The following PRPSAP2 variants were observed in gnomAD, a reference collection of about 807,000 sequenced individuals.
PRPSAP2 encodes phosphoribosyl pyrophosphate synthase-associated protein 2.
Under a neutral mutation model 40.6 loss-of-function variants are expected in PRPSAP2, and 24 were observed. That is an observed-to-expected ratio of 0.59 (90% CI 0.43 to 0.83). The LOEUF (loss-of-function observed/expected upper bound fraction) is 0.83. PRPSAP2 is among the 40% of genes least tolerant of loss of function. The pLI is 0.00. For missense variants in PRPSAP2, 292 were observed against 465.6 expected (o/e 0.63, Z 3.43); for synonymous variants, 149 against 164.7 (o/e 0.90, Z 0.73).
chr17:18,878,306 G>T (rs2151903903), intron 6 of PRPSAP2, among the ~76,000 whole-genome samples: 1 of 152,286 alleles, frequency 6.6e-6, no homozygotes, highest in Non-Finnish European at 1.5e-5. Context: ...AGCTATGTGG[G>T]ATGATCTTTG....
chr17:18,883,027 T>G (rs2038874769), intron 7 of PRPSAP2, among the ~76,000 whole-genome samples: 1 of 152,142 alleles, frequency 6.6e-6, no homozygotes, highest in Non-Finnish European at 1.5e-5. Flanking sequence ...CCAGTTATAA[T>G]AGCCAGCATC....
chr17:18,898,283 C>T (rs1377232634), intron 8 of PRPSAP2, among the ~76,000 whole-genome samples: 1 of 152,126 alleles, frequency 6.6e-6, no homozygotes, highest in Non-Finnish European at 1.5e-5. Context: ...AGGCTTGAGC[C>T]ACCACACCCA....
chr17:18,908,072 G>A (rs1027375079), intron 8 of PRPSAP2, among the ~76,000 whole-genome samples: 1 of 152,108 alleles, frequency 6.6e-6, no homozygotes, highest in African/African-American at 2.4e-5. Context: ...AGAGGTGGAG[G>A]CTGCAGTGAG....
At chr17:18,862,882 A>G (rs995199045) in intron 1 of PRPSAP2, among the ~76,000 whole-genome samples, 1 of 151,014 alleles carries the variant, frequency 6.6e-6, no homozygotes. Flanking sequence ...GTGCAGTGGC[A>G]TGATCTCAGC....
chr17:18,908,633 A>G, intron 8 of PRPSAP2: 1 of 721,468 alleles, frequency 1.4e-6, no homozygotes, highest in Non-Finnish European at 2.6e-6. Context: ...TGGGTCTGGA[A>G]CACCCACGCC....
intron 8 of PRPSAP2, among the ~76,000 whole-genome samples, chr17:18,895,666 C>A (rs2039870458): frequency 6.6e-6 from 1 of 151,844 alleles, no homozygotes; most frequent in East Asian, 1.9e-4. Flanking sequence ...TGCTCTGTTG[C>A]CCAGGCTGGA....
At chr17:18,856,424 A>G (rs576194041), upstream of PRPSAP2, 17 of 151,134 alleles carry the variant, frequency 1.1e-4, no homozygotes, top group African/African-American at 3.6e-4. Flanking sequence ...AGAGGAATCA[A>G]TTTTGGTATG....
chr17:18,874,887 T>A (rs1042211009), intron 5 of PRPSAP2, among the ~76,000 whole-genome samples: 4 of 152,198 alleles, frequency 2.6e-5, no homozygotes, highest in African/African-American at 9.7e-5. Context: ...TGTGGTACTT[T>A]TATGTCCTTA....
At chr17:18,871,832 G>A (rs1033568308) in intron 4 of PRPSAP2, among the ~76,000 whole-genome samples, 1 of 151,888 alleles carries the variant, frequency 6.6e-6, no homozygotes, top group Admixed American at 6.6e-5. Flanking sequence ...GGCTAATTTT[G>A]TATTTTTAGT....
At chr17:18,913,427 G>A (rs9906795) in intron 9 of PRPSAP2, among the ~76,000 whole-genome samples, 54,371 of 151,538 alleles carry the variant, frequency 0.36, 9,891 homozygotes, top group Non-Finnish European at 0.39. Flanking sequence ...CCTTGAAATC[G>A]TTCTGCCCCC....
At position 18,884,007 on chromosome 17, in the gene PRPSAP2, G is replaced by A. The variant is rs544018264; in HGVS notation, c.528+1324G>A. 2.2e-4 allele frequency among the ~76,000 whole-genome samples: 33 copies of A among 151,782 alleles called. No individual in the cohort carries two copies. The South Asian group carries it at 3.3e-3, about 15-fold the overall frequency. ...CTCTACGCCAGGCGCAGTGGCTCACGCCTATAATCCCAGCACTTTGGGAGT... is the reference window on the plus strand; with the variant it reads ...CTCTACGCCAGGCGCAGTGGCTCACACCTATAATCCCAGCACTTTGGGAGT... On this transcript the variant is annotated intron_variant, in intron 7 of 11. Coordinates refer to ENST00000268835, the MANE Select transcript of PRPSAP2 (RefSeq NM_002767.4).
Position 18,923,979 on chromosome 17 carries a change from A to G in PRPSAP2, c.799A>G (p.Ile267Val), listed in dbSNP as rs752486623. ...TGATGTTGGAGGAAGGATTGCCATC[A>G]TCGTGGTATGTAGACCTCTTTTATT... ...VGDVGGRIAI[I>V]VDDIIDDVDS... Residue 267 changes from isoleucine (I) to valine (V), a missense_variant, in exon 10 of 12, where the codon ATC (isoleucine) becomes GTC (valine). Around this residue, in one of 2 missense-constraint regions of PRPSAP2, gnomAD observed 241 missense variants for 425.7 expected, o/e 0.57. Transcript: ENST00000268835. The G allele has an allele frequency of 3.7e-6, 6 of 1,612,476 alleles. No homozygotes were observed. The highest frequency in any genetic ancestry group is 4.2e-6 in the Non-Finnish European group (5 of 1,178,564).
At chr17:18,908,184 T>A in intron 8 of PRPSAP2, 3 of 624,540 alleles carry the variant, frequency 4.8e-6, no homozygotes, top group Non-Finnish European at 8.7e-6. Context: ...CCAGATGCGG[T>A]GGGAAGAAGC....
intron 6 of PRPSAP2, among the ~76,000 whole-genome samples, chr17:18,878,089 A>G (rs910210076): frequency 6.6e-6 from 1 of 151,904 alleles, no homozygotes; most frequent in African/African-American, 2.4e-5. Flanking sequence ...CTAATTTTTA[A>G]ATTTTTTGTA....
At chr17:18,917,432 C>G (rs1470667681) in intron 9 of PRPSAP2, 3 of 148,772 alleles carry the variant, frequency 2.0e-5, no homozygotes, top group African/African-American at 7.4e-5. Context: ...TTTTGCCCAG[C>G]CTGGAGTGCA....
At chr17:18,908,548 G>T in intron 8 of PRPSAP2, 1 of 748,810 alleles carries the variant, frequency 1.3e-6, no homozygotes, top group Non-Finnish European at 2.5e-6. Context: ...GGAGGGACAA[G>T]ACCCTGAAGA....
At chr17:18,899,519 GTTTTTTTTTTTTTT>G (rs574203117) in intron 8 of PRPSAP2, among the ~76,000 whole-genome samples, 1 of 60,554 alleles carries the variant, frequency 1.7e-5, no homozygotes, top group Admixed American at 2.4e-4. Context: ...ATCCAACTGA[GTTTTTTTTTTTTTT>G]TTTTTTTTTT....
chr17:18,919,340 C>G (rs553894397), intron 9 of PRPSAP2, among the ~76,000 whole-genome samples: 41 of 152,232 alleles, frequency 2.7e-4, no homozygotes, highest in African/African-American at 9.4e-4. Flanking sequence ...AACGCTGTCT[C>G]TACTAAAAAA....
At chr17:18,880,852 G>A (rs2038677511) in intron 6 of PRPSAP2, among the ~76,000 whole-genome samples, 1 of 150,850 alleles carries the variant, frequency 6.6e-6, no homozygotes. Flanking sequence ...TTATTTTTTC[G>A]AGATGGAGTC....
Sources: gnomAD v4.1 joint callset for allele counts (sites outside exome capture counted in the v4.1 genomes callset) on GRCh38, gnomAD v4.1.1 for gene constraint, gnomAD v4.1.1 regional missense constraint, MANE v1.5 for transcripts, NCBI Gene and HGNC (gene_info 2026-07-23, HGNC 2026-07-21) for gene names.